The following ADCY8 variants were observed in gnomAD, a reference collection of about 807,000 sequenced individuals.
ADCY8 encodes adenylate cyclase 8.
In ADCY8, 51 loss-of-function variants were observed where a neutral mutation model predicts 119.7. That is an observed-to-expected ratio of 0.43 (90% CI 0.34 to 0.54). ADCY8 has a LOEUF of 0.54. ADCY8 is among the 20% of genes least tolerant of loss of function. The probability of loss-of-function intolerance (pLI) is 0.03; values close to 1 mark genes in which losing one functional copy is unlikely to be tolerated. For synonymous variants in ADCY8, 665 were observed against 651.0 expected (o/e 1.02, Z -0.33); for missense variants, 1,383 against 1,598.8 (o/e 0.87, Z 2.30).
At chr8:130,944,716 T>C (rs1170666144) in intron 3 of ADCY8, among the ~76,000 whole-genome samples, 2 of 152,218 alleles carry the variant, frequency 1.3e-5, no homozygotes, top group African/African-American at 4.8e-5. Flanking sequence ...GCAAAGTCCA[T>C]TCATGAAATC....
intron 9 of ADCY8, among the ~76,000 whole-genome samples, chr8:130,866,788 T>A (rs1379321048): frequency 3.9e-5 from 6 of 152,206 alleles, no homozygotes; most frequent in Non-Finnish European, 7.3e-5. Context: ...AATCCTCATC[T>A]ACGAATGGGA....
chr8:130,786,218 T>C (rs1586409936), intron 15 of ADCY8, among the ~76,000 whole-genome samples: 1 of 152,234 alleles, frequency 6.6e-6, no homozygotes, highest in Non-Finnish European at 1.5e-5. Flanking sequence ...TATTTTCCAC[T>C]GTTGTGTTTA....
intron 1 of ADCY8, among the ~76,000 whole-genome samples, chr8:131,019,390 T>C (rs1411955089): frequency 6.6e-6 from 1 of 152,192 alleles, no homozygotes; most frequent in Non-Finnish European, 1.5e-5. Flanking sequence ...GGCACAGTGA[T>C]TTTGTGTAGG....
chr8:130,879,913 A>G (rs1052132429), intron 8 of ADCY8, among the ~76,000 whole-genome samples: 7 of 152,218 alleles, frequency 4.6e-5, no homozygotes, highest in Non-Finnish European at 7.4e-5. Context: ...CATAATTCCC[A>G]CATGTTGTGG....
intron 4 of ADCY8, among the ~76,000 whole-genome samples, chr8:130,941,352 T>G (rs907668247): frequency 8.5e-5 from 13 of 152,196 alleles, no homozygotes; most frequent in Admixed American, 5.9e-4. Flanking sequence ...TTTTCAGTCT[T>G]GCGCAGTACC....
At chr8:131,005,010 T>C (rs1692482075) in intron 1 of ADCY8, among the ~76,000 whole-genome samples, 1 of 152,208 alleles carries the variant, frequency 6.6e-6, no homozygotes, top group African/African-American at 2.4e-5. Context: ...TATTATATAC[T>C]GTGTGCCAGA....
Position 131,039,787 on chromosome 8 carries a change from C to A in ADCY8, c.547G>T (p.Val183Leu). The A allele has an allele frequency of 1.9e-6, 3 of 1,614,238 alleles. No individual in the cohort carries two copies. The highest frequency in any genetic ancestry group is 2.5e-6 in the Non-Finnish European group (3 of 1,180,050). ...AGCACGTCCAGCACGTTCATCACCACTTCCGATTTGCGCCTTTGGCCCAAG... is the reference window on the plus strand; with the variant it reads ...AGCACGTCCAGCACGTTCATCACCAATTCCGATTTGCGCCTTTGGCCCAAG... ...YFLGQRRKSE[V>L]VMNVLDVLTK... Residue 183 changes from valine to leucine, a missense_variant, in exon 1 of 18, where the codon GTG (valine) becomes TTG (leucine). Val to Leu is a conservative substitution (Grantham distance 32). Around this residue, in one of 2 missense-constraint regions of ADCY8, gnomAD observed 455 missense variants for 435.3 expected, o/e 1.05. Transcript: ENST00000286355.
Position 131,040,673 on chromosome 8 carries a change from T to G in ADCY8, c.-340A>C, listed in dbSNP as rs1387938181. On this transcript the variant is annotated 5_prime_UTR_variant, in exon 1 of 18. Transcript: ENST00000286355. ...CCTTCCTGGGCTCAGGCTCCTTGGT[T>G]GATTCTAGGCTCAGCGTTTTGGCGC... is the stretch of plus-strand genomic sequence containing the variant. The G allele has an allele frequency of 4.7e-6, 1 of 214,606 alleles. No individual in the cohort carries two copies. Among genetic ancestry groups the G allele is most frequent in the Non-Finnish European group, 9.1e-6 (1 of 109,878 alleles). 13.3% of individuals were successfully genotyped at this position (214,606 alleles called of 1,614,324 possible).
In ADCY8 at chr8:130,873,322, C is replaced by CT. The variant is rs780525341; in HGVS notation, c.2110-5377dup. ...TGCCTAAACTGTAACTGTACTCTGT[C>CT]TTTTTTTTTTTTGAGACACGAGTTT... On this transcript the variant is annotated intron_variant, in intron 8 of 17. Transcript: ENST00000286355. 7.2e-3 allele frequency among the ~76,000 whole-genome samples: 1,053 copies of CT among 146,412 alleles called. 11 individuals carry two copies. Among genetic ancestry groups the CT allele is most frequent in the African/African-American group, 0.019 (778 of 40,286 alleles).
chr8:131,033,360 A>G (rs1276872104), intron 1 of ADCY8, among the ~76,000 whole-genome samples: 1 of 152,140 alleles, frequency 6.6e-6, no homozygotes, highest in Non-Finnish European at 1.5e-5. Flanking sequence ...AAAATATTTC[A>G]TTTTTTTGCT....
At chr8:130,869,961 TCCTTCTTC>T (rs1818283934) in intron 8 of ADCY8, among the ~76,000 whole-genome samples, 1 of 77,260 alleles carries the variant, frequency 1.3e-5, no homozygotes, top group South Asian at 6.5e-4. Context: ...TTCTTCTTCT[TCCTTCTTC>T]CTTCTTCCTC....
At chr8:130,837,747 G>C (rs1347939509) in intron 11 of ADCY8, among the ~76,000 whole-genome samples, 1 of 152,132 alleles carries the variant, frequency 6.6e-6, no homozygotes, top group Admixed American at 6.5e-5. Context: ...ATTATCAAAG[G>C]CCCATTTTGT....
At chr8:130,983,928 A>G (rs1436515495) in intron 2 of ADCY8, among the ~76,000 whole-genome samples, 1 of 152,222 alleles carries the variant, frequency 6.6e-6, no homozygotes, top group Non-Finnish European at 1.5e-5. Flanking sequence ...GCTGCAAAGG[A>G]AGCAGACATG....
chr8:130,978,582 G>GA (rs924727166), intron 2 of ADCY8, among the ~76,000 whole-genome samples: 6 of 152,164 alleles, frequency 3.9e-5, no homozygotes, highest in Non-Finnish European at 5.9e-5. Flanking sequence ...ATTATAGGGG[G>GA]AAAATCACAA....
At chr8:130,870,632 G>A (rs1818320502) in intron 8 of ADCY8, among the ~76,000 whole-genome samples, 1 of 151,948 alleles carries the variant, frequency 6.6e-6, no homozygotes, top group African/African-American at 2.4e-5. Context: ...TCCATTATTG[G>A]CCCATGATCC....
intron 1 of ADCY8, among the ~76,000 whole-genome samples, chr8:131,022,523 T>G (rs1275464096): frequency 6.6e-6 from 1 of 152,208 alleles, no homozygotes; most frequent in Non-Finnish European, 1.5e-5. Flanking sequence ...AGTCTATCAT[T>G]GATGGGCATT....
At chr8:130,802,476 T>C (rs1366095470) in intron 14 of ADCY8, among the ~76,000 whole-genome samples, 1 of 152,212 alleles carries the variant, frequency 6.6e-6, no homozygotes, top group East Asian at 1.9e-4. Flanking sequence ...AGTGATCTAT[T>C]AAAGATACAC....
chr8:130,822,180 A>G (rs1435746945), intron 12 of ADCY8, among the ~76,000 whole-genome samples: 1 of 152,196 alleles, frequency 6.6e-6, no homozygotes, highest in African/African-American at 2.4e-5. Flanking sequence ...CCTTGTTGCC[A>G]TAGGAATACA....
At position 131,040,076 on chromosome 8, in the gene ADCY8, G is replaced by A. The variant is rs1488244421; in HGVS notation, c.258C>T (p.Asp86=). Reference sequence around the variant, plus strand: ...CCAGCGAGTAGAGGGGCAGCGCCGAGTCGCCTGACAGCTGCGGCGCGTGGT... The same window carrying A: ...CCAGCGAGTAGAGGGGCAGCGCCGAATCGCCTGACAGCTGCGGCGCGTGGT... ...PNHHAPQLSG[D]SALPLYSLGP... is the part of the protein sequence containing the mutation. Residue 86 remains aspartate, a synonymous_variant, in exon 1 of 18, where the codon GAC becomes GAT. Transcript: ENST00000286355. 3 of 1,537,256 alleles carry A rather than the reference G, an allele frequency of 2.0e-6. No individual in the cohort carries two copies. Among genetic ancestry groups the A allele is most frequent in the Non-Finnish European group, 2.6e-6 (3 of 1,147,202 alleles).
Sources: gnomAD v4.1 joint callset for allele counts (sites outside exome capture counted in the v4.1 genomes callset) on GRCh38, gnomAD v4.1.1 for gene constraint, gnomAD v4.1.1 regional missense constraint, MANE v1.5 for transcripts, NCBI Gene and HGNC (gene_info 2026-07-23, HGNC 2026-07-21) for gene names.